The following CYFIP1 variants were observed in gnomAD, a reference collection of about 807,000 sequenced individuals.
The protein encoded by CYFIP1 is cytoplasmic FMR1 interacting protein 1.
A neutral mutation model predicts 163.5 loss-of-function variants in CYFIP1; 58 were observed. That is an observed-to-expected ratio of 0.35 (90% CI 0.29 to 0.44). The LOEUF (loss-of-function observed/expected upper bound fraction) is 0.44. Ranked by LOEUF, CYFIP1 falls within the 20% of genes least tolerant of loss-of-function variation. The pLI is 1.00. For synonymous variants in CYFIP1, 663 were observed against 660.7 expected (o/e 1.00, Z -0.05); for missense variants, 1,338 against 1,653.8 (o/e 0.81, Z 3.31).
chr15:22,913,327 G>C (rs939202604), intron 17 of CYFIP1, among the ~76,000 whole-genome samples: 4 of 150,936 alleles, frequency 2.7e-5, no homozygotes, highest in African/African-American at 9.7e-5. Flanking sequence ...TCAGGAGTTC[G>C]AGACCAGCCT....
chr15:22,958,916 C>A (rs972586184), intron 1 of CYFIP1, among the ~76,000 whole-genome samples: 2 of 152,212 alleles, frequency 1.3e-5, no homozygotes, highest in African/African-American at 4.8e-5. Flanking sequence ...AGAGATGGGG[C>A]CCAGTATTCC....
chr15:22,930,392 A>AG (rs2061500100), intron 11 of CYFIP1, among the ~76,000 whole-genome samples: 5 of 105,160 alleles, frequency 4.8e-5, no homozygotes, highest in African/African-American at 1.5e-4. Context: ...TCTCACCCAA[A>AG]AAAAAAAAAA....
chr15:22,977,716 A>G (rs1410614940), intron 1 of CYFIP1, among the ~76,000 whole-genome samples: 2 of 151,988 alleles, frequency 1.3e-5, no homozygotes, highest in African/African-American at 4.8e-5. Context: ...CTGTAATCCC[A>G]GCTACTCGGA....
At chr15:22,940,073 G>A (rs34233588) in intron 6 of CYFIP1, among the ~76,000 whole-genome samples, 3 of 152,174 alleles carry the variant, frequency 2.0e-5, no homozygotes, top group Admixed American at 6.5e-5. Context: ...ATACTGCAAG[G>A]CCATGCTAAG....
chr15:22,932,729 C>G (rs2061578038), intron 10 of CYFIP1, among the ~76,000 whole-genome samples: 1 of 152,176 alleles, frequency 6.6e-6, no homozygotes, highest in Non-Finnish European at 1.5e-5. Context: ...GCATCTGGAA[C>G]TGTGCTGAGG....
chr15:22,909,356 A>C (rs1172344578), intron 20 of CYFIP1, 43 bp from the exon 21 acceptor site: 27 of 1,606,410 alleles, frequency 1.7e-5, no homozygotes, highest in Non-Finnish European at 2.0e-5. Context: ...AGTGGACATG[A>C]GCAGCTCGAA....
chr15:22,869,164 C>T lies in CYFIP1; in HGVS notation c.*864G>A, dbSNP rs551848489. 6 of 152,424 alleles carry T rather than the reference C, an allele frequency of 3.9e-5. No individual in the cohort carries two copies. In the East Asian group the frequency reaches 7.7e-4, roughly 20 times the overall value. 9.4% of individuals were successfully genotyped at this position (152,424 alleles called of 1,614,324 possible). A position where few individuals can be genotyped will look rare whatever the true frequency, so the allele number is the denominator to read the frequency against. On this transcript the variant is annotated 3_prime_UTR_variant, in exon 31 of 31. Transcript: ENST00000617928. ...AGCACCCACTGGGCCTGACTGATCT[C>T]CTCCCACATTGCTGGCTTCCTCCAG...
intron 22 of CYFIP1, among the ~76,000 whole-genome samples, chr15:22,901,943 C>T (rs2142003975): frequency 6.6e-6 from 1 of 152,288 alleles, no homozygotes; most frequent in East Asian, 1.9e-4. Context: ...GCTGAGTAAA[C>T]CGGAGCTCTT....
In CYFIP1 at chr15:22,947,218, G is replaced by C. The variant is rs2062091573; in HGVS notation, c.68C>G (p.Pro23Arg). The change falls in exon 2 of 31, where the codon CCC becomes CGC. Residue 23 changes from proline to arginine, a missense_variant. Physicochemically the swap from Pro to Arg is moderately radical, Grantham distance 103 (BLOSUM62 -2). This residue lies in a region of CYFIP1 where 186 missense variants were observed against 288.3 expected (regional missense o/e 0.65). Coordinates refer to ENST00000617928, the MANE Select transcript of CYFIP1 (RefSeq NM_014608.6). ...NVDLLEELPL[P>R]DQQPCIEPPP... ...GGGCTCGATGCAGGGCTGCTGGTCG[G>C]GCAGGGGCAGCTCCTCCAGGAGGTC... 1 of 1,613,884 alleles carries C rather than the reference G, an allele frequency of 6.2e-7. No individual in the cohort carries two copies. Among genetic ancestry groups the C allele is most frequent in the Admixed American group, 1.7e-5 (1 of 59,990 alleles).
intron 15 of CYFIP1, 173 bp from the exon 16 acceptor site, chr15:22,916,803 G>A (rs1228347900): frequency 2.5e-6 from 4 of 1,570,976 alleles, no homozygotes; most frequent in Non-Finnish European, 3.5e-6. Flanking sequence ...CGTTGCTGCT[G>A]CTTTGGGGAA....
chr15:22,896,571 A>C (rs879498997), intron 22 of CYFIP1, among the ~76,000 whole-genome samples: 3 of 151,668 alleles, frequency 2.0e-5, no homozygotes, highest in Non-Finnish European at 2.9e-5. Context: ...TATAATCTCA[A>C]ACTCACTCAA....
intron 1 of CYFIP1, among the ~76,000 whole-genome samples, chr15:22,961,497 GC>G (rs1172338526): frequency 6.6e-6 from 1 of 152,224 alleles, no homozygotes; most frequent in Non-Finnish European, 1.5e-5. Context: ...TCCCACCTCA[GC>G]CCCCCAGGTA....
At chr15:22,929,381 C>T (rs1420902327) in intron 11 of CYFIP1, among the ~76,000 whole-genome samples, 1 of 152,078 alleles carries the variant, frequency 6.6e-6, no homozygotes, top group East Asian at 1.9e-4. Context: ...TGCCTGTAAT[C>T]CCAAAACTCT....
chr15:22,909,565 A>AACT (rs1437865839), intron 20 of CYFIP1, among the ~76,000 whole-genome samples: 2 of 152,196 alleles, frequency 1.3e-5, no homozygotes, highest in African/African-American at 2.4e-5. Context: ...GTGTTGTTCT[A>AACT]ACTACATAAA....
chr15:22,888,431 A>G (rs2059982664), intron 23 of CYFIP1, among the ~76,000 whole-genome samples: 1 of 152,144 alleles, frequency 6.6e-6, no homozygotes, highest in East Asian at 1.9e-4. Context: ...AAATAATCTA[A>G]TAGAAAATTA....
intron 1 of CYFIP1, among the ~76,000 whole-genome samples, chr15:22,965,723 G>A (rs1474432770): frequency 1.3e-5 from 2 of 152,184 alleles, no homozygotes; most frequent in Non-Finnish European, 2.9e-5. Context: ...ATCTAACAGG[G>A]ATAACGAATT....
At chr15:22,977,897 G>C (rs969376524) in intron 1 of CYFIP1, among the ~76,000 whole-genome samples, 1 of 151,922 alleles carries the variant, frequency 6.6e-6, no homozygotes, top group Admixed American at 6.6e-5. Context: ...GGAGATGTTA[G>C]CTATTATTTA....
At chr15:22,950,774 T>C (rs2062223520) in intron 1 of CYFIP1, among the ~76,000 whole-genome samples, 1 of 152,148 alleles carries the variant, frequency 6.6e-6, no homozygotes, top group Admixed American at 6.5e-5. Flanking sequence ...GCCGGCTGGG[T>C]CGCCAGCATG....
At chr15:22,881,729 G>T in intron 25 of CYFIP1, 117 bp downstream of exon 25, 1 of 930,274 alleles carries the variant, frequency 1.1e-6, no homozygotes, top group Non-Finnish European at 1.6e-6. Context: ...AGGTGCATTT[G>T]TCTGTCTACT....
Sources: allele counts gnomAD v4.1 joint callset (sites outside exome capture counted in the v4.1 genomes callset), GRCh38; gene constraint gnomAD v4.1.1; regional missense constraint gnomAD v4.1.1; transcripts MANE v1.5; gene names NCBI Gene and HGNC (gene_info 2026-07-23, HGNC 2026-07-21).